Variants in CHMP3 observed in about 807,000 individuals in gnomAD.
CHMP3 encodes the protein 25.1 protein.
CHMP3 carries 8 observed loss-of-function variants against 27.4 expected under a neutral mutation model. That is an observed-to-expected ratio of 0.29 (90% CI 0.17 to 0.53). The LOEUF (loss-of-function observed/expected upper bound fraction) is 0.53, where lower values mean the gene tolerates loss of function less well. Ranked by LOEUF, CHMP3 falls within the 20% of genes least tolerant of loss-of-function variation. The pLI is 0.96. For synonymous variants in CHMP3, 86 were observed against 85.5 expected (o/e 1.01, Z -0.03); for missense variants, 208 against 271.5 (o/e 0.77, Z 1.64).
Position 86,505,325 on chromosome 2 carries a change from G to C in CHMP3, c.*479C>G, listed in dbSNP as rs1321837538. The C allele has an allele frequency of 6.6e-6, 1 of 152,428 alleles. No individual in the cohort carries two copies. The highest frequency in any genetic ancestry group is 2.4e-5 in the African/African-American group (1 of 41,452). 9.4% of individuals were successfully genotyped at this position (152,428 alleles called of 1,614,324 possible). A position where few individuals can be genotyped will look rare whatever the true frequency, so the allele number is the denominator to read the frequency against. The stretch of plus-strand genomic sequence containing the variant: ...CAACCACAGAGCAGAAGTCACTTCT[G>C]CTGAGCTTCCAAATCCCATATGCCT... On this transcript the variant is annotated 3_prime_UTR_variant, in exon 6 of 6. Coordinates refer to ENST00000263856, the MANE Select transcript of CHMP3 (RefSeq NM_016079.4).
intron 1 of CHMP3, among the ~76,000 whole-genome samples, chr2:86,550,400 G>GGGGGAGAGGGAGAA (rs1676857468): frequency 1.4e-5 from 2 of 144,116 alleles, no homozygotes; most frequent in Non-Finnish European, 3.1e-5. Flanking sequence ...GAGGGAGAGA[G>GGGGGAGAGGGAGAA]GGGGAGAGGG....
chr2:86,507,653 T>C (rs1289092493), intron 4 of CHMP3, 60 bp from the exon 5 acceptor site: 2 of 1,451,028 alleles, frequency 1.4e-6, no homozygotes, highest in African/African-American at 1.4e-5. Context: ...TCAGACACCC[T>C]ACACATCACC....
intron 3 of CHMP3, among the ~76,000 whole-genome samples, chr2:86,525,739 GTTTAA>G (rs1675680552): frequency 6.6e-6 from 1 of 151,944 alleles, no homozygotes; most frequent in Non-Finnish European, 1.5e-5. Flanking sequence ...GTATACATAT[GTTTAA>G]TTTTTTAATG....
At chr2:86,549,833 A>G (rs1422773958) in intron 1 of CHMP3, among the ~76,000 whole-genome samples, 1 of 124,668 alleles carries the variant, frequency 8.0e-6, no homozygotes, top group African/African-American at 3.1e-5. Flanking sequence ...GGTGGCCGGG[A>G]AGAGGCGCTC....
In CHMP3 at chr2:86,504,575, A is replaced by G. The variant is rs564104354; in HGVS notation, c.*1229T>C. ...TTGCCCAGGCTGGTCTTGAACTCCTATTCTCAAGAGAGCCTCCTGCCTCAG... is the reference window on the plus strand; with the variant it reads ...TTGCCCAGGCTGGTCTTGAACTCCTGTTCTCAAGAGAGCCTCCTGCCTCAG... On this transcript the variant is annotated 3_prime_UTR_variant, in exon 6 of 6. Coordinates refer to ENST00000263856, the MANE Select transcript of CHMP3 (RefSeq NM_016079.4). 8.5e-4 allele frequency: 104 copies of G among 122,350 alleles called. No homozygotes were observed. The highest frequency in any genetic ancestry group is 3.3e-3 in the African/African-American group (98 of 29,970). 7.6% of individuals were successfully genotyped at this position (122,350 alleles called of 1,614,324 possible).
At chr2:86,533,550 C>T (rs1277323336) in intron 2 of CHMP3, among the ~76,000 whole-genome samples, 1 of 152,010 alleles carries the variant, frequency 6.6e-6, no homozygotes, top group Non-Finnish European at 1.5e-5. Flanking sequence ...GTCACCCAGG[C>T]TGGAGTGCAA....
At chr2:86,510,898 T>C (rs1240831034) in intron 3 of CHMP3, 2 of 168,122 alleles carry the variant, frequency 1.2e-5, no homozygotes, top group Admixed American at 1.2e-4. Flanking sequence ...ACAGTATCTG[T>C]TCAGTATGGA....
In CHMP3 at chr2:86,505,789, C is replaced by A. The variant is rs780519117; in HGVS notation, c.*15G>T. The A allele has an allele frequency of 6.4e-7, 1 of 1,559,064 alleles. No homozygotes were observed. Among genetic ancestry groups the A allele is most frequent in the South Asian group, 1.2e-5 (1 of 84,110 alleles). On this transcript the variant is annotated 3_prime_UTR_variant, in exon 6 of 6. Transcript: ENST00000263856. ...TTGAGAGGAGTGTGTGCACACCCAG[C>A]GGGGTAGGCAGCCCCTAGCTGCGGA...
chr2:86,524,203 C>A (rs979343893), intron 3 of CHMP3, among the ~76,000 whole-genome samples: 1 of 152,118 alleles, frequency 6.6e-6, no homozygotes, highest in Admixed American at 6.6e-5. Context: ...ACAGAAAATA[C>A]AGTGCAAAGG....
rs1189828488 is a variant in CHMP3 at position 86,553,863 on chromosome 2, G to A, written c.45+9441C>T. On this transcript the variant is annotated intron_variant, in intron 1 of 5. Transcript: ENST00000263856. The stretch of plus-strand genomic sequence containing the variant: ...TTATAATCTATTTCAAACTGACCGA[G>A]CTGAAAAATATATATCAAATAATAG... Among the ~76,000 whole-genome samples the A allele has an allele frequency of 2.0e-5, 3 of 152,146 alleles. No individual in the cohort carries two copies. In the East Asian group the frequency reaches 5.8e-4, roughly 29 times the overall value.
intron 1 of CHMP3, among the ~76,000 whole-genome samples, chr2:86,551,391 G>T (rs1416320134): frequency 6.6e-6 from 1 of 151,940 alleles, no homozygotes; most frequent in East Asian, 1.9e-4. Context: ...CAAGTAGCTG[G>T]GACTATAGAT....
chr2:86,529,508 G>T, intron 2 of CHMP3, 111 bp from the exon 3 acceptor site: 1 of 1,031,748 alleles, frequency 9.7e-7, no homozygotes, highest in Non-Finnish European at 1.3e-6. Context: ...ACATATAGAA[G>T]GATATACATA....
intron 1 of CHMP3, among the ~76,000 whole-genome samples, chr2:86,555,381 T>C (rs2104044335): frequency 6.6e-6 from 1 of 151,974 alleles, no homozygotes; most frequent in Admixed American, 6.6e-5. Flanking sequence ...TTCCTGAGGC[T>C]GCCATAACAA....
chr2:86,556,266 T>C (rs1026643755), intron 1 of CHMP3, among the ~76,000 whole-genome samples: 8 of 152,218 alleles, frequency 5.3e-5, no homozygotes, highest in South Asian at 2.1e-4. Flanking sequence ...ATCTAGGATT[T>C]TGCATATCTT....
intron 2 of CHMP3, among the ~76,000 whole-genome samples, chr2:86,534,544 T>C (rs1676052150): frequency 6.6e-6 from 1 of 152,172 alleles, no homozygotes; most frequent in African/African-American, 2.4e-5. Context: ...ATCTAGTTGA[T>C]ATACCCATTG....
At chr2:86,541,107 G>T (rs1390144769) in intron 2 of CHMP3, 2 of 151,914 alleles carry the variant, frequency 1.3e-5, no homozygotes, top group African/African-American at 4.8e-5. Context: ...TTTTTTCTAG[G>T]ACTACCTACC....
intron 1 of CHMP3, among the ~76,000 whole-genome samples, chr2:86,559,164 T>C (rs1304234874): frequency 6.6e-6 from 1 of 152,222 alleles, no homozygotes; most frequent in Non-Finnish European, 1.5e-5. Flanking sequence ...GTTGAGGGTC[T>C]GGACATAACA....
intron 2 of CHMP3, among the ~76,000 whole-genome samples, chr2:86,533,620 C>T (rs1676008924): frequency 6.6e-6 from 1 of 152,100 alleles, no homozygotes; most frequent in African/African-American, 2.4e-5. Context: ...AATCTTCCCT[C>T]CTCAGCCTCC....
At chr2:86,520,514 G>T (rs1025770005) in intron 3 of CHMP3, among the ~76,000 whole-genome samples, 6 of 152,084 alleles carry the variant, frequency 3.9e-5, no homozygotes, top group Non-Finnish European at 7.4e-5. Context: ...CCTCCCACCA[G>T]GACCACCTTC....
Sources: allele counts gnomAD v4.1 joint callset (sites outside exome capture counted in the v4.1 genomes callset), GRCh38; gene constraint gnomAD v4.1.1; transcripts MANE v1.5; gene names NCBI Gene and HGNC (gene_info 2026-07-23, HGNC 2026-07-21).